DGKB: variants seen among roughly 807,000 people sequenced by gnomAD.
The protein encoded by DGKB is 90 kDa diacylglycerol kinase.
A neutral mutation model predicts 114.3 loss-of-function variants in DGKB; 67 were observed. The ratio of observed to expected loss-of-function variants is 0.59; its 90% confidence interval spans 0.48 to 0.72. DGKB has a LOEUF of 0.72. DGKB is among the 30% of genes least tolerant of loss of function. DGKB has a pLI of 0.00. For synonymous variants in DGKB, 398 were observed against 323.1 expected (o/e 1.23, Z -2.49); for missense variants, 907 against 975.2 (o/e 0.93, Z 0.93).
intron 1 of DGKB, among the ~76,000 whole-genome samples, chr7:14,874,834 G>T (rs1432443843): frequency 2.0e-5 from 3 of 152,062 alleles, no homozygotes; most frequent in African/African-American, 7.2e-5. Flanking sequence ...TAAAGTTTTA[G>T]ATCACATAGT....
intron 23 of DGKB, among the ~76,000 whole-genome samples, chr7:14,328,084 G>A (rs554105274): frequency 6.6e-6 from 1 of 152,132 alleles, no homozygotes; most frequent in East Asian, 1.9e-4. Context: ...AAAATGGAAT[G>A]TTCTATGATA....
At chr7:14,565,234 G>T (rs1453631391) in intron 20 of DGKB, among the ~76,000 whole-genome samples, 1 of 152,072 alleles carries the variant, frequency 6.6e-6, no homozygotes, top group Non-Finnish European at 1.5e-5. Context: ...CCTGTTGGAT[G>T]CTGGGAGTCA....
At chr7:14,307,085 T>C (rs1272858429) in intron 23 of DGKB, among the ~76,000 whole-genome samples, 1 of 131,750 alleles carries the variant, frequency 7.6e-6, no homozygotes, top group Non-Finnish European at 1.7e-5. Flanking sequence ...TTAATTTTCT[T>C]TTCCACCTTA....
At chr7:14,521,337 G>T (rs915944072) in intron 20 of DGKB, among the ~76,000 whole-genome samples, 2 of 152,082 alleles carry the variant, frequency 1.3e-5, no homozygotes, top group African/African-American at 2.4e-5. Context: ...AAATGGTGCT[G>T]GAATAACTGG....
intron 20 of DGKB, among the ~76,000 whole-genome samples, chr7:14,558,154 T>C (rs1474600225): frequency 6.7e-6 from 1 of 150,184 alleles, no homozygotes; most frequent in Non-Finnish European, 1.5e-5. Context: ...ATCTATATAA[T>C]ATGTAAATAA....
At chr7:14,931,678 A>G (rs1193041006) in intron 1 of DGKB, among the ~76,000 whole-genome samples, 2 of 152,088 alleles carry the variant, frequency 1.3e-5, no homozygotes, top group Non-Finnish European at 2.9e-5. Context: ...TAGTCCCAAC[A>G]TGGATTCCTC....
chr7:14,797,000 A>G (rs73070710), intron 2 of DGKB, among the ~76,000 whole-genome samples: 5,416 of 152,316 alleles, frequency 0.036, 134 homozygotes, highest in Non-Finnish European at 0.057. Context: ...TGACATGGCT[A>G]AATTCTGAAA....
At position 14,750,680 on chromosome 7, in the gene DGKB, A is replaced by G. The variant is rs143693633; in HGVS notation, c.168+3248T>C. On this transcript the variant is annotated intron_variant, in intron 4 of 25. Coordinates refer to ENST00000402815, the MANE Select transcript of DGKB (RefSeq NM_001350709.2). ...AAAAATATGATTTATAATTTCTTTCACCTATAAAACTTAAAATTCGTAGAC... is the reference window on the plus strand; with the variant it reads ...AAAAATATGATTTATAATTTCTTTCGCCTATAAAACTTAAAATTCGTAGAC... Among the ~76,000 whole-genome samples the G allele has an allele frequency of 7.5e-3, 1,140 of 151,780 alleles. 11 individuals carry two copies. Among genetic ancestry groups the G allele is most frequent in the African/African-American group, 0.026 (1,074 of 41,372 alleles).
At chr7:14,857,258 T>TTGTGTTTGTGTGTGTGTG (rs1850300494) in intron 1 of DGKB, among the ~76,000 whole-genome samples, 1 of 138,262 alleles carries the variant, frequency 7.2e-6, no homozygotes, top group African/African-American at 2.7e-5. Flanking sequence ...CTGTGTGTGT[T>TTGTGTTTGTGTGTGTGTG]TGTGTGTGTG....
At chr7:14,453,810 C>G (rs987448) in intron 21 of DGKB, among the ~76,000 whole-genome samples, 83,748 of 151,982 alleles carry the variant, frequency 0.55, 23,695 homozygotes, top group African/African-American at 0.67. Context: ...AAACAAGTGA[C>G]CTTGGTTGTG....
At chr7:14,372,939 G>A (rs903958434) in intron 21 of DGKB, among the ~76,000 whole-genome samples, 2 of 152,082 alleles carry the variant, frequency 1.3e-5, no homozygotes, top group Non-Finnish European at 2.9e-5. Context: ...TCCCCTTCTG[G>A]GAGCAAGGTG....
At chr7:14,193,036 G>A (rs999286812) in intron 23 of DGKB, among the ~76,000 whole-genome samples, 31 of 152,050 alleles carry the variant, frequency 2.0e-4, no homozygotes, top group Non-Finnish European at 3.5e-4. Flanking sequence ...GCGAGTGATG[G>A]GGAGCAGCTA....
At chr7:14,715,609 G>A (rs766471245) in intron 6 of DGKB, among the ~76,000 whole-genome samples, 3 of 152,104 alleles carry the variant, frequency 2.0e-5, no homozygotes, top group Non-Finnish European at 4.4e-5. Flanking sequence ...AGAGCCTTGG[G>A]ACGGGAAGGT....
At chr7:14,380,353 G>C (rs531253307) in intron 21 of DGKB, among the ~76,000 whole-genome samples, 1 of 152,026 alleles carries the variant, frequency 6.6e-6, no homozygotes, top group African/African-American at 2.4e-5. Context: ...AGGATGAAAA[G>C]TCTGATAATC....
At chr7:14,645,572 C>CAGTCAA (rs1174461305) in intron 13 of DGKB, among the ~76,000 whole-genome samples, 1 of 151,928 alleles carries the variant, frequency 6.6e-6, no homozygotes, top group Non-Finnish European at 1.5e-5. Context: ...AAACAGTCAA[C>CAGTCAA]AGTCAATGAT....
At chr7:14,556,090 G>A (rs1417925929) in intron 20 of DGKB, among the ~76,000 whole-genome samples, 1 of 152,102 alleles carries the variant, frequency 6.6e-6, no homozygotes. Context: ...ATCTCTTGGG[G>A]TCTGGATTGG....
intron 20 of DGKB, among the ~76,000 whole-genome samples, chr7:14,491,598 C>A (rs1048061425): frequency 6.6e-6 from 1 of 151,992 alleles, no homozygotes; most frequent in African/African-American, 2.4e-5. Flanking sequence ...CCATTAGCAT[C>A]CAATATTTCC....
At chr7:14,889,455 C>G (rs1780831680) in intron 1 of DGKB, among the ~76,000 whole-genome samples, 1 of 151,484 alleles carries the variant, frequency 6.6e-6, no homozygotes, top group Admixed American at 6.6e-5. Context: ...TTTCTTAGAC[C>G]ATCTAAACTT....
chr7:14,209,975 G>A (rs1442641963), intron 23 of DGKB, among the ~76,000 whole-genome samples: 6 of 151,898 alleles, frequency 4.0e-5, no homozygotes, highest in Non-Finnish European at 7.4e-5. Flanking sequence ...TAATAAATGG[G>A]TGGTCTTTGG....
Sources: allele counts gnomAD v4.1 joint callset (sites outside exome capture counted in the v4.1 genomes callset), GRCh38; gene constraint gnomAD v4.1.1; transcripts MANE v1.5; gene names NCBI Gene and HGNC (gene_info 2026-07-23, HGNC 2026-07-21).